The following CFAP70 variants were observed in gnomAD, a reference collection of about 807,000 sequenced individuals.
CFAP70 encodes cilia- and flagella-associated protein 70.
A neutral mutation model predicts 137.6 loss-of-function variants in CFAP70; 81 were observed. The observed-to-expected ratio is 0.59, with a 90% CI of 0.49 to 0.71. CFAP70 has a LOEUF of 0.71. Among genes scored for constraint, CFAP70 ranks in the 30% least tolerant of loss-of-function variants. CFAP70 has a pLI of 0.00. For missense variants in CFAP70, 976 were observed against 1,226.7 expected, an observed-to-expected ratio of 0.80 and a Z score of 3.05; for synonymous variants, 382 against 423.6, an observed-to-expected ratio of 0.90 and a Z score of 1.20.
chr10:73,359,895 T>TAAA (rs112418911), upstream of CFAP70, among the ~76,000 whole-genome samples: 21 of 150,234 alleles, frequency 1.4e-4, no homozygotes, highest in Middle Eastern at 0.017. Flanking sequence ...TGAAACACAC[T>TAAA]AAAAAAAAAC....
intron 8 of CFAP70, among the ~76,000 whole-genome samples, chr10:73,328,334 T>C (rs1231207372): frequency 1.3e-5 from 2 of 151,848 alleles, no homozygotes; most frequent in East Asian, 1.9e-4. Context: ...ATACAAAAAT[T>C]AATTCAAGAT....
chr10:73,263,401 A>G (rs527341931), intron 25 of CFAP70, among the ~76,000 whole-genome samples: 1 of 152,354 alleles, frequency 6.6e-6, no homozygotes, highest in African/African-American at 2.4e-5. Flanking sequence ...TCTTTATGAG[A>G]AAATAAATCC....
At chr10:73,331,640 C>T (rs2052101463) in intron 7 of CFAP70, among the ~76,000 whole-genome samples, 1 of 152,086 alleles carries the variant, frequency 6.6e-6, no homozygotes, top group Non-Finnish European at 1.5e-5. Context: ...CGTGATGGTG[C>T]TATTGCACTC....
intron 6 of CFAP70, among the ~76,000 whole-genome samples, chr10:73,339,777 T>C (rs1589551989): frequency 6.6e-6 from 1 of 152,076 alleles, no homozygotes. Flanking sequence ...AATGTGGTGG[T>C]GCTCAGAAGC....
intron 6 of CFAP70, among the ~76,000 whole-genome samples, chr10:73,338,899 A>AT (rs1342611629): frequency 6.6e-6 from 1 of 150,662 alleles, no homozygotes; most frequent in Non-Finnish European, 1.5e-5. Context: ...AACAACCCCC[A>AT]TGTACACCAA....
intron 4 of CFAP70, among the ~76,000 whole-genome samples, chr10:73,345,775 C>G (rs1472698386): frequency 6.6e-6 from 1 of 151,822 alleles, no homozygotes; most frequent in Non-Finnish European, 1.5e-5. Context: ...CTAGCCTGGT[C>G]AACAAGAGCA....
At chr10:73,259,435 C>G (rs2044898890) in intron 25 of CFAP70, among the ~76,000 whole-genome samples, 1 of 152,068 alleles carries the variant, frequency 6.6e-6, no homozygotes, top group African/African-American at 2.4e-5. Context: ...CTGCATATTC[C>G]TATATTGTTC....
chr10:73,356,652 A>T (rs1403588765), intron 1 of CFAP70, among the ~76,000 whole-genome samples: 3 of 152,128 alleles, frequency 2.0e-5, no homozygotes, highest in Non-Finnish European at 4.4e-5. Context: ...TTTTCCAGTC[A>T]CCTAAAAGTG....
At chr10:73,322,849 A>G (rs2050998142) in intron 9 of CFAP70, 114 bp downstream of exon 10, 2 of 844,718 alleles carry the variant, frequency 2.4e-6, no homozygotes, top group African/African-American at 1.7e-5. Flanking sequence ...TTAATATCCT[A>G]GTATACCAAC....
intron 3 of CFAP70, among the ~76,000 whole-genome samples, chr10:73,349,267 A>G (rs966657434): frequency 6.6e-6 from 1 of 151,702 alleles, no homozygotes; most frequent in African/African-American, 2.4e-5. Flanking sequence ...AGGGTGGGCG[A>G]GGTGGCTTAT....
rs190799061 is a variant in CFAP70, at chr10:73,323,112, C to T, written c.778-15G>A. Reference sequence around the variant, plus strand: ...TCTTCATCAGTCTAAAGGAATAAAACCAGAGAGTTGTTAGTGCTATAAGCA... The same window carrying T: ...TCTTCATCAGTCTAAAGGAATAAAATCAGAGAGTTGTTAGTGCTATAAGCA... On this transcript the variant is annotated splice_polypyrimidine_tract_variant and intron_variant, in intron 8 of 26. Coordinates refer to ENST00000310715, the Ensembl canonical transcript of CFAP70. 3 of 1,601,450 alleles carry T rather than the reference C, an allele frequency of 1.9e-6. No individual in the cohort carries two copies. The highest frequency in any genetic ancestry group is 2.2e-5 in the East Asian group (1 of 44,718).
At chr10:73,282,429 T>C (rs1051304554) in intron 19 of CFAP70, among the ~76,000 whole-genome samples, 10 of 150,654 alleles carry the variant, frequency 6.6e-5, no homozygotes. Context: ...CACCAAACCA[T>C]GATGGATTCT....
intron 12 of CFAP70, among the ~76,000 whole-genome samples, chr10:73,308,624 G>A (rs1337144859): frequency 9.2e-5 from 11 of 119,746 alleles, no homozygotes; most frequent in East Asian, 3.0e-4. Context: ...GTGAAACTCC[G>A]TCTCAAAAAA....
Position 73,335,426 on chromosome 10 carries a change from T to C in CFAP70, c.677+4A>G. On this transcript the variant is annotated splice_donor_region_variant and intron_variant, in intron 7 of 26. Coordinates refer to ENST00000310715, the Ensembl canonical transcript of CFAP70. ...TAGACATATGTCCTTCCTCTTCTTC[T>C]TACCTGACCACTGCAGAAGGATCAA... is the stretch of plus-strand genomic sequence containing the variant. 4 of 1,602,952 alleles carry C rather than the reference T, an allele frequency of 2.5e-6. No individual in the cohort carries two copies. Among genetic ancestry groups the C allele is most frequent in the Non-Finnish European group, 3.4e-6 (4 of 1,171,928 alleles).
intron 17 of CFAP70, 63 bp from the exon 19 acceptor site, chr10:73,291,818 C>A (rs541286922): frequency 4.3e-6 from 7 of 1,613,392 alleles, no homozygotes; most frequent in Admixed American, 3.3e-5. Flanking sequence ...GGAACCAAGA[C>A]AATTTCACGT....
chr10:73,318,068 C>T (rs1388920333), intron 9 of CFAP70, among the ~76,000 whole-genome samples: 1 of 152,144 alleles, frequency 6.6e-6, no homozygotes, highest in African/African-American at 2.4e-5. Flanking sequence ...AGCGATGGGG[C>T]TTGGCATTCA....
intron 17 of CFAP70, 59 bp from the exon 19 acceptor site, chr10:73,291,814 A>G: frequency 1.2e-6 from 2 of 1,613,392 alleles, no homozygotes; most frequent in Non-Finnish European, 1.7e-6. Flanking sequence ...TTATGGAACC[A>G]AGACAATTTC....
At chr10:73,256,461 T>C (rs1326631388) in intron 25 of CFAP70, 45 bp from the exon 27 acceptor site, 1 of 1,610,960 alleles carries the variant, frequency 6.2e-7, no homozygotes, top group Non-Finnish European at 8.5e-7. Flanking sequence ...GTCATAAACA[T>C]TATGGTAAGG....
At chr10:73,328,362 G>T (rs928404289) in intron 8 of CFAP70, among the ~76,000 whole-genome samples, 4 of 151,006 alleles carry the variant, frequency 2.6e-5, no homozygotes, top group African/African-American at 9.7e-5. Flanking sequence ...AGACTTAAAC[G>T]TTAGACCTAA....
Sources: gnomAD v4.1 joint callset for allele counts (sites outside exome capture counted in the v4.1 genomes callset) on GRCh38, gnomAD v4.1.1 for gene constraint, MANE v1.5 for transcripts, NCBI Gene and HGNC (gene_info 2026-07-23, HGNC 2026-07-21) for gene names.